The following MYO18B variants were observed in gnomAD, a reference collection of about 807,000 sequenced individuals.
The protein encoded by MYO18B is unconventional myosin-XVIIIb.
A neutral mutation model predicts 273.0 loss-of-function variants in MYO18B; 204 were observed. That is an observed-to-expected ratio of 0.75 (90% CI 0.67 to 0.84). The LOEUF (loss-of-function observed/expected upper bound fraction) is 0.84, where lower values mean the gene tolerates loss of function less well. MYO18B is among the 40% of genes least tolerant of loss of function. The probability of loss-of-function intolerance (pLI) is 0.00; values close to 1 mark genes in which losing one functional copy is unlikely to be tolerated. For missense variants in MYO18B, 3,212 were observed against 3,287.6 expected, an observed-to-expected ratio of 0.98 and a Z score of 0.56; for synonymous variants, 1,330 against 1,305.7, an observed-to-expected ratio of 1.02 and a Z score of -0.40.
chr22:25,819,580 T>A (rs1437714376), intron 12 of MYO18B, among the ~76,000 whole-genome samples: 1 of 152,230 alleles, frequency 6.6e-6, no homozygotes, highest in Non-Finnish European at 1.5e-5. Flanking sequence ...TTAATTAGAA[T>A]CTAATGACAT....
In MYO18B at chr22:25,785,426, A is replaced by C. The variant is rs1271311339; in HGVS notation, c.2313-2A>C. On this transcript the variant is annotated splice_acceptor_variant, in intron 10 of 43. Transcript: ENST00000335473. LOFTEE classifies it high-confidence loss of function. ...GACTCCTGGTTCCTTCTGTGCTTCC[A>C]GGACGGAGCTGAACCTGCACCAGAT... 9 of 1,606,900 alleles carry C rather than the reference A, an allele frequency of 5.6e-6. No individual in the cohort carries two copies. Among genetic ancestry groups the C allele is most frequent in the Non-Finnish European group, 6.8e-6 (8 of 1,176,914 alleles).
At chr22:26,057,856 G>A in the MYO18B span, among the ~76,000 whole-genome samples, 1 of 152,096 alleles carries the variant, frequency 6.6e-6, no homozygotes. Context: ...GTCACACTCA[G>A]CTTCAGCAAG....
chr22:25,823,505 T>G lies in MYO18B; in HGVS notation c.2522T>G (p.Val841Gly). The G allele has an allele frequency of 6.2e-7, 1 of 1,613,562 alleles. No individual in the cohort carries two copies. Among genetic ancestry groups the G allele is most frequent in the Non-Finnish European group, 8.5e-7 (1 of 1,179,688 alleles). The change falls in exon 13 of 44, where the codon GTG (valine) becomes GGG (glycine). Residue 841 changes from valine to glycine, a missense_variant and splice_region_variant. Transcript: ENST00000335473. ...CGCCTCTGTTTTGTCCCCTTTGCAG[T>G]GGGTCGGAAGCAGTTCATGAGGTTT... is the stretch of plus-strand genomic sequence containing the variant. ...YHLGAAGACK[V>G]GRKQFMRFEW...
At chr22:25,891,697 C>A (rs1295372244) in intron 27 of MYO18B, among the ~76,000 whole-genome samples, 1 of 152,082 alleles carries the variant, frequency 6.6e-6, no homozygotes, top group Non-Finnish European at 1.5e-5. Flanking sequence ...GCTTTATGGG[C>A]AAGGTACTTT....
chr22:25,930,287 C>T (rs34639859), intron 34 of MYO18B, among the ~76,000 whole-genome samples: 22,581 of 152,020 alleles, frequency 0.15, 2,580 homozygotes, highest in African/African-American at 0.32. Context: ...GTAATTATTC[C>T]TTTGTTTCCA....
rs754971732 is a variant in MYO18B at position 25,768,253 on chromosome 22, C to CG, written c.338dup (p.Ser114GlnfsTer5). On this transcript the variant is annotated frameshift_variant, in exon 4 of 44. Transcript: ENST00000335473. LOFTEE classifies it high-confidence loss of function. ...TCTGGGCAAGGAGAGCGAGGGGTCC[C>CG]GCAGCCCCGACCCTGAGCAGATGAC... 2 of 1,613,866 alleles carry CG rather than the reference C, an allele frequency of 1.2e-6. No homozygotes were observed. The highest frequency in any genetic ancestry group is 2.7e-5 in the African/African-American group (2 of 74,918).
At chr22:25,797,788 G>T (rs571585975) in intron 11 of MYO18B, among the ~76,000 whole-genome samples, 165 bp from the exon 12 acceptor site, 2 of 152,272 alleles carry the variant, frequency 1.3e-5, no homozygotes, top group East Asian at 3.9e-4. Context: ...TTTCCCAGTC[G>T]CCTGAGTTTG....
At chr22:25,824,932 A>G (rs2089434548) in intron 13 of MYO18B, among the ~76,000 whole-genome samples, 1 of 152,162 alleles carries the variant, frequency 6.6e-6, no homozygotes, top group African/African-American at 2.4e-5. Context: ...ACACACATGC[A>G]CAGACACTGG....
At chr22:25,933,012 A>G (rs558429735) in intron 34 of MYO18B, among the ~76,000 whole-genome samples, 24 of 152,122 alleles carry the variant, frequency 1.6e-4, no homozygotes, top group African/African-American at 2.2e-4. Context: ...TTATCTCCCA[A>G]TTTAGGATCC....
chr22:25,844,003 G>T, intron 18 of MYO18B, 109 bp downstream of exon 18: 2 of 990,220 alleles, frequency 2.0e-6, no homozygotes, highest in Non-Finnish European at 2.9e-6. Flanking sequence ...GGCCAGCCCA[G>T]GAATCCCATC....
chr22:26,041,389 A>G, the MYO18B span, among the ~76,000 whole-genome samples: 2 of 150,586 alleles, frequency 1.3e-5, no homozygotes, highest in African/African-American at 4.9e-5. Context: ...TAGAAAAATT[A>G]GGCATGGTGG....
At chr22:25,805,139 G>GT (rs926316132) in intron 12 of MYO18B, among the ~76,000 whole-genome samples, 1 of 152,192 alleles carries the variant, frequency 6.6e-6, no homozygotes, top group Non-Finnish European at 1.5e-5. Context: ...GCAGCCCCAT[G>GT]TTAAGGCACC....
intron 6 of MYO18B, 123 bp from the exon 7 acceptor site, chr22:25,772,211 G>C: frequency 1.2e-6 from 1 of 845,346 alleles, no homozygotes; most frequent in Non-Finnish European, 1.8e-6. Flanking sequence ...GCTCTGTTCT[G>C]GTCTTTGGCA....
chr22:26,059,768 G>A, the MYO18B span, among the ~76,000 whole-genome samples: 1 of 152,210 alleles, frequency 6.6e-6, no homozygotes, highest in Non-Finnish European at 1.5e-5. Context: ...CCCTTGACTT[G>A]TGGTTAATTA....
At chr22:25,804,816 G>A (rs986892796) in intron 12 of MYO18B, among the ~76,000 whole-genome samples, 1 of 152,214 alleles carries the variant, frequency 6.6e-6, no homozygotes, top group African/African-American at 2.4e-5. Flanking sequence ...ATTAGATGTT[G>A]CCTGACAGCC....
rs141148100 is a variant in MYO18B at position 25,944,496 on chromosome 22, C to T, written c.5518-1641C>T. On this transcript the variant is annotated intron_variant, in intron 34 of 43. Transcript: ENST00000335473. ...AGGGCCAACGGGACTTACTGTAGAC[C>T]TGCTAAATGTTCAGCACTCTGAATG... Among the ~76,000 whole-genome samples the T allele has an allele frequency of 4.4e-3, 677 of 152,248 alleles. 10 individuals carry two copies. The highest frequency in any genetic ancestry group is 0.016 in the African/African-American group (652 of 41,536).
chr22:25,768,194 A>C lies in MYO18B; in HGVS notation c.278A>C (p.Asp93Ala). Residue 93 changes from aspartate (D) to alanine (A), a missense_variant, in exon 4 of 44, where the codon GAC becomes GCC. Asp to Ala is a moderately radical substitution (Grantham distance 126, BLOSUM62 -2). Coordinates refer to ENST00000335473, the MANE Select transcript of MYO18B (RefSeq NM_032608.7). ...TRSGSQQISQ[D>A]DQSSSPGSSD... The stretch of plus-strand genomic sequence containing the variant: ...TCTGGAAGCCAGCAGATCTCTCAGG[A>C]CGACCAGTCAAGCTCTCCTGGGAGC... The C allele has an allele frequency of 6.2e-7, 1 of 1,613,904 alleles. No individual in the cohort carries two copies. The highest frequency in any genetic ancestry group is 8.5e-7 in the Non-Finnish European group (1 of 1,179,860).
intron 34 of MYO18B, among the ~76,000 whole-genome samples, chr22:25,938,511 T>C (rs753359597): frequency 3.3e-5 from 5 of 152,206 alleles, no homozygotes; most frequent in Admixed American, 6.5e-5. Flanking sequence ...AAATCACTTC[T>C]TCCTGGGCTG....
the MYO18B span, among the ~76,000 whole-genome samples, chr22:26,059,443 A>G: frequency 1.3e-5 from 2 of 152,234 alleles, no homozygotes; most frequent in Non-Finnish European, 1.5e-5. Flanking sequence ...CCACTTTGGA[A>G]TTCTAAGAAA....
Sources: allele counts gnomAD v4.1 joint callset (sites outside exome capture counted in the v4.1 genomes callset), GRCh38; gene constraint gnomAD v4.1.1; transcripts MANE v1.5; gene names NCBI Gene and HGNC (gene_info 2026-07-23, HGNC 2026-07-21).